E2F7: variants seen among roughly 807,000 people sequenced by gnomAD.
E2F7 encodes the protein E2F transcription factor 7, also known as transcription factor E2F7.
In E2F7, 35 loss-of-function variants were observed where a neutral mutation model predicts 81.1. The observed-to-expected ratio is 0.43, with a 90% CI of 0.33 to 0.57. E2F7 has a LOEUF of 0.57. Ranked by LOEUF, E2F7 falls within the 20% of genes least tolerant of loss-of-function variation. The probability of loss-of-function intolerance (pLI) is 0.04; values close to 1 mark genes in which losing one functional copy is unlikely to be tolerated. For missense variants in E2F7, 961 were observed against 1,093.7 expected, an observed-to-expected ratio of 0.88 and a Z score of 1.71; for synonymous variants, 416 against 416.2, an observed-to-expected ratio of 1.00 and a Z score of 0.01.
intron 2 of E2F7, among the ~76,000 whole-genome samples, chr12:77,058,073 G>C (rs1345899727): frequency 6.6e-6 from 1 of 152,182 alleles, no homozygotes; most frequent in Non-Finnish European, 1.5e-5. Flanking sequence ...TAGTATAAGA[G>C]GAAGGAGAGG....
chr12:77,046,037 C>A lies in E2F7; in HGVS notation c.829+1G>T. 1 of 1,612,508 alleles carries A rather than the reference C, an allele frequency of 6.2e-7. No homozygotes were observed. Among genetic ancestry groups the A allele is most frequent in the Non-Finnish European group, 8.5e-7 (1 of 1,179,182 alleles). The stretch of plus-strand genomic sequence containing the variant: ...TACTCATGAAGTTACAATGGACTCA[C>A]AAGAGGGACAGTCGGGTTCAGAGAA... On this transcript the variant is annotated splice_donor_variant, in intron 5 of 12. Coordinates refer to ENST00000322886, the MANE Select transcript of E2F7 (RefSeq NM_203394.3). LOFTEE classifies it high-confidence loss of function.
chr12:77,049,222 A>G (rs1369531040), intron 4 of E2F7, among the ~76,000 whole-genome samples: 1 of 152,160 alleles, frequency 6.6e-6, no homozygotes, highest in Non-Finnish European at 1.5e-5. Context: ...CAGGGCCAGC[A>G]AGGGGACCCA....
At chr12:77,048,310 G>A (rs1304642599) in intron 4 of E2F7, among the ~76,000 whole-genome samples, 1 of 152,108 alleles carries the variant, frequency 6.6e-6, no homozygotes, top group Non-Finnish European at 1.5e-5. Flanking sequence ...TTTTTCTTTT[G>A]TATTGAGGTC....
intron 3 of E2F7, among the ~76,000 whole-genome samples, chr12:77,051,511 T>C (rs910479643): frequency 1.3e-5 from 2 of 152,040 alleles, no homozygotes; most frequent in African/African-American, 4.8e-5. Context: ...GGGGGAGGGA[T>C]AGCATTAGGA....
At chr12:77,036,627 T>TA (rs1322559282) in intron 7 of E2F7, among the ~76,000 whole-genome samples, 1 of 152,146 alleles carries the variant, frequency 6.6e-6, no homozygotes, top group Non-Finnish European at 1.5e-5. Context: ...GGTCTTACTG[T>TA]ATTGTCTAGG....
chr12:77,037,012 G>A (rs1954856452), intron 7 of E2F7, among the ~76,000 whole-genome samples: 3 of 152,228 alleles, frequency 2.0e-5, no homozygotes, highest in Admixed American at 2.0e-4. Context: ...GCCTCCCAAA[G>A]TGCTGGGATT....
intron 4 of E2F7, among the ~76,000 whole-genome samples, chr12:77,050,094 C>CT (rs151236644): frequency 0.019 from 2,834 of 152,232 alleles, 49 homozygotes; most frequent in African/African-American, 0.046. Context: ...TCCAAATGAC[C>CT]TTTTTCTAAT....
Position 77,033,135 on chromosome 12 carries a change from A to G in E2F7, c.1310-13T>C. 6.2e-7 allele frequency: 1 copy of G among 1,612,994 alleles called. No individual in the cohort carries two copies. Among genetic ancestry groups the G allele is most frequent in the Non-Finnish European group, 8.5e-7 (1 of 1,179,498 alleles). On this transcript the variant is annotated splice_polypyrimidine_tract_variant and intron_variant, in intron 8 of 12. Coordinates refer to ENST00000322886, the MANE Select transcript of E2F7 (RefSeq NM_203394.3). ...TAGCCACCTGATCCTGAAAAGGAAG[A>G]TGAAGGCTTAACAAATATAGCAAGA... is the stretch of plus-strand genomic sequence containing the variant.
At chr12:77,055,703 G>A in intron 3 of E2F7, 152 bp downstream of exon 3, 1 of 790,708 alleles carries the variant, frequency 1.3e-6, no homozygotes, top group Non-Finnish European at 1.9e-6. Context: ...AAATAAGATA[G>A]AATGAGAATT....
rs1038422938 is a variant in E2F7 at position 77,065,446 on chromosome 12, G to C, written c.-102C>G. 1.3e-5 allele frequency: 2 copies of C among 152,668 alleles called. No individual in the cohort carries two copies. Among genetic ancestry groups the C allele is most frequent in the Non-Finnish European group, 2.9e-5 (2 of 68,470 alleles). The allele number at this position is 152,668 out of a possible 1,614,324, so 9.5% of individuals were successfully genotyped here. ...CGATCAGCAGCCGGGCGGCGGCATCGGGAAGGGAGAGCGAGGCGCGCAGAT... is the reference window on the plus strand; with the variant it reads ...CGATCAGCAGCCGGGCGGCGGCATCCGGAAGGGAGAGCGAGGCGCGCAGAT... On this transcript the variant is annotated 5_prime_UTR_variant, in exon 1 of 13. Transcript: ENST00000322886.
At position 77,039,859 on chromosome 12, in the gene E2F7, A is replaced by G. The variant is rs1196535377; in HGVS notation, c.1123+3206T>C. Among the ~76,000 whole-genome samples the G allele has an allele frequency of 2.6e-5, 4 of 152,228 alleles. No individual in the cohort carries two copies. The East Asian group carries it at 7.7e-4, about 29-fold the overall frequency. On this transcript the variant is annotated intron_variant, in intron 7 of 12. Transcript: ENST00000322886. ...ATGCCCATACAAAGACATGTACATA[A>G]ATAATCACAGGAGCTTTATTTATAA...
chr12:77,060,246 G>A (rs533837512), intron 2 of E2F7, among the ~76,000 whole-genome samples: 93 of 152,150 alleles, frequency 6.1e-4, no homozygotes, highest in Non-Finnish European at 6.9e-4. Context: ...CCTGTGAAAC[G>A]GCCCTCTAGT....
Position 77,025,997 on chromosome 12 carries a change from G to A in E2F7, c.2141-15C>T, listed in dbSNP as rs200349643. 9.8e-5 allele frequency: 156 copies of A among 1,590,966 alleles called. No homozygotes were observed. In the African/African-American group the frequency reaches 1.9e-3, roughly 19 times the overall value. ...ACCATTTAATCCTGAAAGAAAAGCA[G>A]AACAGGCGAAAATCAATATATGTCA... On this transcript the variant is annotated splice_polypyrimidine_tract_variant and intron_variant, in intron 11 of 12. Transcript: ENST00000322886.
In E2F7 at chr12:77,064,581, G is replaced by A. The variant is rs1464078153; in HGVS notation, c.55C>T (p.Leu19=). 3 of 1,614,124 alleles carry A rather than the reference G, an allele frequency of 1.9e-6. No individual in the cohort carries two copies. The Admixed American group carries it at 5.0e-5, about 27-fold the overall frequency. ...KDLISPRQPR[L]DFAVEDGENA... is the part of the protein sequence containing the mutation. ...TCCCCATCTTCAACTGCAAAATCTA[G>A]TCTGGGCTGCCTGGGGCTGATCAGG... The change falls in exon 2 of 13, where the codon CTA becomes TTA. Residue 19 remains leucine, a synonymous_variant. Transcript: ENST00000322886.
chr12:77,030,291 C>T lies in E2F7; in HGVS notation c.1424G>A (p.Ser475Asn). The change falls in exon 10 of 13, where the codon AGC (serine) becomes AAC (asparagine). Residue 475 changes from serine to asparagine, a missense_variant. Ser to Asn is a conservative substitution (Grantham distance 46). Coordinates refer to ENST00000322886, the MANE Select transcript of E2F7 (RefSeq NM_203394.3). ...GAAAGGAGCAACAGGGTCCAAGCTG[C>T]TTGATGGAGGCACCACTCTCTTACT... ...FASKRVVPPS[S>N]SLDPVAPFPV... 9 of 1,580,218 alleles carry T rather than the reference C, an allele frequency of 5.7e-6. No individual in the cohort carries two copies. The highest frequency in any genetic ancestry group is 7.7e-6 in the Non-Finnish European group (9 of 1,161,366).
intron 10 of E2F7, among the ~76,000 whole-genome samples, chr12:77,028,474 T>C (rs1443275869): frequency 1.3e-5 from 1 of 77,276 alleles, no homozygotes; most frequent in African/African-American, 4.4e-5. Context: ...TTAGTAAATC[T>C]TTTTTTTTTT....
intron 9 of E2F7, among the ~76,000 whole-genome samples, chr12:77,032,479 GT>G (rs1954815226): frequency 6.6e-6 from 1 of 152,188 alleles, no homozygotes; most frequent in East Asian, 1.9e-4. Flanking sequence ...GCTTTCTCTG[GT>G]GACACATGAT....
intron 7 of E2F7, among the ~76,000 whole-genome samples, chr12:77,041,260 C>T (rs931073135): frequency 2.0e-5 from 3 of 152,134 alleles, no homozygotes; most frequent in African/African-American, 4.8e-5. Context: ...GGCGTGATCT[C>T]GGCTCACTGC....
Position 77,023,906 on chromosome 12 carries a change from GA to G in E2F7, c.*108del. On this transcript the variant is annotated 3_prime_UTR_variant, in exon 13 of 13. Transcript: ENST00000322886. The stretch of plus-strand genomic sequence containing the variant: ...GTGGGAAGTTAACAGAAGTGTGGAT[GA>G]AAGAGAGAGGAAGGACCCGTGCTCA... 7.6e-7 allele frequency: 1 copy of G among 1,315,592 alleles called. No homozygotes were observed. The highest frequency in any genetic ancestry group is 1.4e-5 in the South Asian group (1 of 69,010). The allele number at this position is 1,315,592 out of a possible 1,614,324, so 81.5% of individuals were successfully genotyped here.
Sources: gnomAD v4.1 joint callset for allele counts (sites outside exome capture counted in the v4.1 genomes callset) on GRCh38, gnomAD v4.1.1 for gene constraint, MANE v1.5 for transcripts, NCBI Gene and HGNC (gene_info 2026-07-23, HGNC 2026-07-21) for gene names.